Variants in MRE11 observed in about 807,000 individuals in gnomAD.
MRE11 encodes the protein double-strand break repair protein MRE11.
Under a neutral mutation model 91.7 loss-of-function variants are expected in MRE11, and 62 were observed. The observed-to-expected ratio is 0.68, with a 90% CI of 0.55 to 0.84. The LOEUF (loss-of-function observed/expected upper bound fraction) is 0.84, where lower values mean the gene tolerates loss of function less well. Among genes scored for constraint, MRE11 ranks in the 40% least tolerant of loss-of-function variants. The pLI is 0.00. For synonymous variants in MRE11, 273 were observed against 271.4 expected, an observed-to-expected ratio of 1.01 and a Z score of -0.06; for missense variants, 796 against 852.9, an observed-to-expected ratio of 0.93 and a Z score of 0.83.
upstream of MRE11, chr11:94,496,864 C>T (rs76807038): frequency 6.2e-7 from 1 of 1,610,090 alleles, no homozygotes; most frequent in Non-Finnish European, 8.5e-7. Context: ...AGCAAGATGA[C>T]AAAAATGAAG....
intron 16 of MRE11, among the ~76,000 whole-genome samples, chr11:94,444,450 T>C (rs1327663438): frequency 6.6e-6 from 1 of 152,206 alleles, no homozygotes; most frequent in Non-Finnish European, 1.5e-5. Flanking sequence ...CCATGGTTTT[T>C]AGTTTCTGTC....
At chr11:94,474,396 T>C (rs142344701) in intron 7 of MRE11, among the ~76,000 whole-genome samples, 3 of 152,102 alleles carry the variant, frequency 2.0e-5, no homozygotes, top group South Asian at 2.1e-4. Flanking sequence ...AGAGGAACAG[T>C]AGCAACCAAA....
intron 14 of MRE11, among the ~76,000 whole-genome samples, chr11:94,450,261 G>T (rs1056145836): frequency 2.0e-5 from 3 of 152,082 alleles, no homozygotes; most frequent in Admixed American, 2.0e-4. Flanking sequence ...TTTCCCCTAG[G>T]AGCAATGATT....
chr11:94,470,965 C>T (rs562861012), intron 8 of MRE11, among the ~76,000 whole-genome samples: 18 of 151,928 alleles, frequency 1.2e-4, no homozygotes, highest in African/African-American at 4.1e-4. Context: ...ATCTATATAC[C>T]TATGTATATG....
At position 94,419,457 on chromosome 11, in the gene MRE11, G is replaced by GGGGAGA. The variant is rs1004736140; in HGVS notation, c.*662_*667dup. The stretch of plus-strand genomic sequence containing the variant: ...GGAGAAAGGAAGAGTGGGGAACGGG[G>GGGGAGA]GGGAGAGGGAGAGAGAGAGAGAGAG... On this transcript the variant is annotated 3_prime_UTR_variant, in exon 20 of 20. Coordinates refer to ENST00000323929, the MANE Select transcript of MRE11 (RefSeq NM_005591.4). The GGGGAGA allele has an allele frequency of 8.5e-5, 16 of 188,478 alleles. No homozygotes were observed. Among genetic ancestry groups the GGGGAGA allele is most frequent in the Middle Eastern group, 1.5e-3 (1 of 650 alleles). The allele number at this position is 188,478 out of a possible 1,614,324, so 11.7% of individuals were successfully genotyped here. A position where few individuals can be genotyped will look rare whatever the true frequency, so the allele number is the denominator to read the frequency against.
At chr11:94,475,976 G>A (rs187684019) in intron 7 of MRE11, among the ~76,000 whole-genome samples, 17 of 152,126 alleles carry the variant, frequency 1.1e-4, no homozygotes, top group Non-Finnish European at 2.2e-4. Flanking sequence ...TTGGGATAGG[G>A]GGAAGCAGGT....
At chr11:94,472,703 T>C (rs989532501) in intron 7 of MRE11, among the ~76,000 whole-genome samples, 5 of 152,072 alleles carry the variant, frequency 3.3e-5, no homozygotes, top group Non-Finnish European at 2.9e-5. Flanking sequence ...TTTTAAAACA[T>C]GTATAAAATT....
At chr11:94,488,080 G>A (rs1490924402) in intron 3 of MRE11, among the ~76,000 whole-genome samples, 1 of 152,126 alleles carries the variant, frequency 6.6e-6, no homozygotes, top group Non-Finnish European at 1.5e-5. Context: ...ATTAAGGGAC[G>A]CAGGGAAGAG....
At chr11:94,445,624 A>T in intron 16 of MRE11, 186 bp downstream of exon 16, 1 of 566,296 alleles carries the variant, frequency 1.8e-6, no homozygotes, top group Non-Finnish European at 3.2e-6. Context: ...ACATGATTTT[A>T]AAAGCTTACC....
chr11:94,511,335 T>TGCCA, the MRE11 span, among the ~76,000 whole-genome samples: 1 of 152,236 alleles, frequency 6.6e-6, no homozygotes, highest in African/African-American at 2.4e-5. Flanking sequence ...GCCAAGCAGA[T>TGCCA]GCCAGCATCA....
At chr11:94,463,636 A>G (rs1416928269) in intron 11 of MRE11, among the ~76,000 whole-genome samples, 1 of 152,200 alleles carries the variant, frequency 6.6e-6, no homozygotes, top group African/African-American at 2.4e-5. Context: ...TTGTAGGGAC[A>G]TGGATGAAGG....
At chr11:94,508,809 T>C in the MRE11 span, among the ~76,000 whole-genome samples, 1 of 151,800 alleles carries the variant, frequency 6.6e-6, no homozygotes, top group Non-Finnish European at 1.5e-5. Flanking sequence ...TCACCCAGGC[T>C]GGAGTGCAGT....
intron 14 of MRE11, among the ~76,000 whole-genome samples, chr11:94,452,252 G>C (rs1191883028): frequency 6.6e-6 from 1 of 150,920 alleles, no homozygotes; most frequent in Non-Finnish European, 1.5e-5. Context: ...AGAAAATGTG[G>C]CCAAACAAAA....
At chr11:94,495,582 T>C (rs1259936930), upstream of MRE11, among the ~76,000 whole-genome samples, 1 of 152,208 alleles carries the variant, frequency 6.6e-6, no homozygotes, top group Non-Finnish European at 1.5e-5. Context: ...GGAATTCGTA[T>C]TTGTAAATTA....
chr11:94,427,521 T>C (rs77626324), intron 19 of MRE11, among the ~76,000 whole-genome samples: 1 of 152,030 alleles, frequency 6.6e-6, no homozygotes, highest in Non-Finnish European at 1.5e-5. Context: ...CTATTCAACA[T>C]AGTACTGGAA....
chr11:94,443,164 T>A (rs1945832015), intron 16 of MRE11, among the ~76,000 whole-genome samples: 2 of 152,238 alleles, frequency 1.3e-5, no homozygotes, highest in South Asian at 4.1e-4. Context: ...CAAGGCAAAT[T>A]AGTCCATCTT....
chr11:94,478,814 A>G lies in MRE11; in HGVS notation c.465T>C (p.Arg155=). 6 of 1,613,898 alleles carry G rather than the reference A, an allele frequency of 3.7e-6. No individual in the cohort carries two copies. In the South Asian group the frequency reaches 6.6e-5, roughly 18 times the overall value. ...TGTCTATCTTCTCCACAGACATTGA[A>G]CGTCCAAAGTGATTTACAAATCCAG... ...SCAGFVNHFG[R]SMSVEKIDIS... is the part of the protein sequence containing the mutation. Residue 155 remains arginine, a synonymous_variant, in exon 6 of 20, where the codon CGT becomes CGC. Coordinates refer to ENST00000323929, the MANE Select transcript of MRE11 (RefSeq NM_005591.4).
At chr11:94,457,827 T>C (rs1354957763) in intron 13 of MRE11, among the ~76,000 whole-genome samples, 1 of 151,412 alleles carries the variant, frequency 6.6e-6, no homozygotes, top group African/African-American at 2.4e-5. Flanking sequence ...GGGTGTCTGG[T>C]CAGAGCCACC....
At chr11:94,423,988 T>C (rs554945910) in intron 19 of MRE11, among the ~76,000 whole-genome samples, 2 of 152,280 alleles carry the variant, frequency 1.3e-5, no homozygotes, top group South Asian at 2.1e-4. Flanking sequence ...CTGGCAGCCA[T>C]GGCCTCTGTC....
Sources: allele counts gnomAD v4.1 joint callset (sites outside exome capture counted in the v4.1 genomes callset), GRCh38; gene constraint gnomAD v4.1.1; transcripts MANE v1.5; gene names NCBI Gene and HGNC (gene_info 2026-07-23, HGNC 2026-07-21).